CASP8: variants seen among roughly 807,000 people sequenced by gnomAD.
The protein encoded by CASP8 is caspase 8.
In CASP8, 24 loss-of-function variants were observed where a neutral mutation model predicts 46.3. That is an observed-to-expected ratio of 0.52 (90% CI 0.38 to 0.73). The LOEUF is 0.73. Ranked by LOEUF, CASP8 falls within the 30% of genes least tolerant of loss-of-function variation. The pLI, the probability that CASP8 is intolerant of heterozygous loss-of-function variation, is 0.00. For missense variants in CASP8, 460 were observed against 559.0 expected (o/e 0.82, Z 1.79); for synonymous variants, 188 against 200.4 (o/e 0.94, Z 0.52).
rs1044484322 is a variant in CASP8 at position 201,271,565 on chromosome 2, T to G, written c.355T>G (p.Ser119Ala). 1 of 1,611,970 alleles carries G rather than the reference T, an allele frequency of 6.2e-7. No individual in the cohort carries two copies. The highest frequency in any genetic ancestry group is 1.7e-5 in the Admixed American group (1 of 60,022). ...SEEVSRSELR[S>A]FKFLLQEEIS... Reference sequence around the variant, plus strand: ...AGAAGTGAGCAGATCAGAATTGAGGTCTTTTAAGTTTCTTTTGCAAGAGGA... The same window carrying G: ...AGAAGTGAGCAGATCAGAATTGAGGGCTTTTAAGTTTCTTTTGCAAGAGGA... Residue 119 changes from serine to alanine, a missense_variant, in exon 3 of 9, where the codon TCT (serine) becomes GCT (alanine). Transcript: ENST00000673742.
intron 7 of CASP8, among the ~76,000 whole-genome samples, 169 bp from the exon 8 acceptor site, chr2:201,284,647 G>A (rs546404029): frequency 9.2e-4 from 43 of 46,516 alleles, no homozygotes; most frequent in African/African-American, 4.2e-3. Flanking sequence ...GCTTTGGCTC[G>A]GCATGAGAGG....
intron 6 of CASP8, among the ~76,000 whole-genome samples, chr2:201,275,778 G>A (rs953352107): frequency 2.6e-5 from 4 of 151,962 alleles, no homozygotes; most frequent in Non-Finnish European, 5.9e-5. Flanking sequence ...GTCTTGCTAC[G>A]TTGCCAAGCC....
chr2:201,284,603 T>C (rs1490753785), intron 7 of CASP8, among the ~76,000 whole-genome samples: 82 of 58,050 alleles, frequency 1.4e-3, no homozygotes, highest in African/African-American at 3.8e-3. Context: ...GGCAGGGAGG[T>C]TGCAGTGAGC....
exon 2 of CASP8, chr2:201,234,079 T>G (rs1945938004): frequency 6.6e-6 from 1 of 152,572 alleles, no homozygotes; most frequent in Non-Finnish European, 1.5e-5. Flanking sequence ...GCCTGAGCCC[T>G]TGAGTTGGTC....
At position 201,275,647 on chromosome 2, in the gene CASP8, A is replaced by G. The variant is rs564448365; in HGVS notation, c.660+694A>G. 3.9e-5 allele frequency among the ~76,000 whole-genome samples: 6 copies of G among 152,368 alleles called. No individual in the cohort carries two copies. The East Asian group carries it at 1.2e-3, about 29-fold the overall frequency. On this transcript the variant is annotated intron_variant, in intron 6 of 8. Coordinates refer to ENST00000673742, the MANE Select transcript of CASP8 (RefSeq NM_001372051.1). Reference sequence around the variant, plus strand: ...CAAGGATTAACCCAAGTAATGTGGTACTTTCTAAACAGTATAGCATGCTAC... The same window carrying G: ...CAAGGATTAACCCAAGTAATGTGGTGCTTTCTAAACAGTATAGCATGCTAC...
chr2:201,264,222 G>A (rs1002284291), intron 1 of CASP8, among the ~76,000 whole-genome samples: 1 of 152,086 alleles, frequency 6.6e-6, no homozygotes, highest in African/African-American at 2.4e-5. Context: ...CTGCTCTTTC[G>A]TTATTTCAAG....
chr2:201,241,129 G>A (rs1553594280), intron 2 of CASP8: 1 of 152,078 alleles, frequency 6.6e-6, no homozygotes, highest in Non-Finnish European at 1.5e-5. Context: ...TCAAGGAGAG[G>A]AGAAGAAGAT....
chr2:201,246,217 C>G (rs370001294), intron 2 of CASP8, among the ~76,000 whole-genome samples: 1 of 152,152 alleles, frequency 6.6e-6, no homozygotes, highest in African/African-American at 2.4e-5. Context: ...AGGCCTCTTT[C>G]GTTTTCAGTC....
Position 201,239,288 on chromosome 2 carries a change from C to T in CASP8, c.-27+5176C>T, listed in dbSNP as rs543833154. 9.0e-3 allele frequency among the ~76,000 whole-genome samples: 1,367 copies of T among 152,330 alleles called. 18 individuals are homozygous for T. The highest frequency in any genetic ancestry group is 0.031 in the African/African-American group (1,293 of 41,566). Reference sequence around the variant, plus strand: ...GTTCTCAATGAGCTGCTGGGTACACCTCCCAGACGGGGTGGTGGCCGGGCA... The same window carrying T: ...GTTCTCAATGAGCTGCTGGGTACACTTCCCAGACGGGGTGGTGGCCGGGCA... On this transcript the variant is annotated intron_variant, in intron 2 of 6. Transcript: ENST00000264274.
chr2:201,282,811 A>G (rs1576374544), intron 7 of CASP8, among the ~76,000 whole-genome samples: 2 of 62,876 alleles, frequency 3.2e-5, no homozygotes, highest in Non-Finnish European at 3.6e-5. Context: ...AGCCGGCCGG[A>G]AGGGGGGCTG....
chr2:201,245,864 C>CTTTTTTTTTTTTTTT (rs60096366), intron 2 of CASP8, among the ~76,000 whole-genome samples: 2 of 124,458 alleles, frequency 1.6e-5, no homozygotes, highest in African/African-American at 6.6e-5. Flanking sequence ...CTTGTTTGTT[C>CTTTTTTTTTTTTTTT]TTTTTTTTTT....
upstream of CASP8, among the ~76,000 whole-genome samples, chr2:201,255,552 C>T (rs1946977006): frequency 6.6e-6 from 1 of 152,166 alleles, no homozygotes; most frequent in Non-Finnish European, 1.5e-5. Flanking sequence ...CTAGGCTGGG[C>T]CTGGGTACAT....
chr2:201,254,782 G>A (rs532329556), intron 2 of CASP8, among the ~76,000 whole-genome samples: 5 of 152,298 alleles, frequency 3.3e-5, no homozygotes, highest in African/African-American at 1.2e-4. Context: ...CAGGCCTCCA[G>A]GTGGGAGCTG....
chr2:201,260,480 C>T (rs1328949928), upstream of CASP8: 27 of 934,884 alleles, frequency 2.9e-5, no homozygotes, highest in Admixed American at 3.1e-4. Context: ...GTTTGTGACT[C>T]AGGAGTTTCG....
chr2:201,273,104 C>T (rs1948395036), intron 5 of CASP8, among the ~76,000 whole-genome samples, 162 bp downstream of exon 5: 1 of 146,496 alleles, frequency 6.8e-6, no homozygotes, highest in Admixed American at 7.1e-5. Flanking sequence ...GTTTCCCAGG[C>T]TGGAGAGCAG....
At position 201,266,679 on chromosome 2, in the gene CASP8, C is replaced by T. The variant is rs747668924; in HGVS notation, c.193C>T (p.Leu65=). 6.2e-7 allele frequency: 1 copy of T among 1,613,896 alleles called. No homozygotes were observed. Among genetic ancestry groups the T allele is most frequent in the Admixed American group, 1.7e-5 (1 of 60,008 alleles). The change falls in exon 2 of 9, where the codon CTG becomes TTG. Residue 65 remains leucine, a synonymous_variant. Coordinates refer to ENST00000673742, the MANE Select transcript of CASP8 (RefSeq NM_001372051.1). This position sits in a 1 kb window ranked among gnomAD's most constrained non-coding sequence, Gnocchi z 5.7. ...AAGCAATCTGTCCTTCCTGAAGGAG[C>T]TGCTCTTCCGAATTAATAGACTGGA... The part of the protein sequence containing the change: ...EESNLSFLKE[L]LFRINRLDLL...
intron 2 of CASP8, among the ~76,000 whole-genome samples, chr2:201,244,008 A>G (rs144866355): frequency 3.3e-5 from 5 of 152,304 alleles, no homozygotes; most frequent in Non-Finnish European, 7.4e-5. Flanking sequence ...CTGGAGCCCA[A>G]ATAATTCCTA....
chr2:201,265,085 T>C (rs1224657313), intron 1 of CASP8, among the ~76,000 whole-genome samples: 7 of 152,188 alleles, frequency 4.6e-5, no homozygotes, highest in Admixed American at 4.6e-4. Context: ...TTTAAAAATT[T>C]TCTTTCAGGG....
rs1559377511 is a variant in CASP8 at position 201,286,684 on chromosome 2, C to A, written c.*90C>A. ...AGGCTGGAGTGCAGTGGCGTGATCT[C>A]GGCTCACCGCAAGCTCCGCCTCCCG... On this transcript the variant is annotated 3_prime_UTR_variant, in exon 9 of 9. Transcript: ENST00000673742. The A allele has an allele frequency of 5.3e-6, 6 of 1,128,270 alleles. No homozygotes were observed. In the East Asian group the frequency reaches 1.6e-4, roughly 30 times the overall value. 69.9% of individuals were successfully genotyped at this position (1,128,270 alleles called of 1,614,324 possible).
Sources: gnomAD v4.1 joint callset for allele counts (sites outside exome capture counted in the v4.1 genomes callset) on GRCh38, gnomAD v4.1.1 for gene constraint, Gnocchi (gnomAD v3.1) non-coding constraint, MANE v1.5 for transcripts, NCBI Gene and HGNC (gene_info 2026-07-23, HGNC 2026-07-21) for gene names.